CAAP1: variants seen among roughly 807,000 people sequenced by gnomAD.
The protein encoded by CAAP1 is caspase activity and apoptosis inhibitor 1.
CAAP1 carries 20 observed loss-of-function variants against 34.0 expected under a neutral mutation model. That is an observed-to-expected ratio of 0.59 (90% CI 0.41 to 0.86). The LOEUF (loss-of-function observed/expected upper bound fraction) is 0.86, where lower values mean the gene tolerates loss of function less well. CAAP1 is among the 40% of genes least tolerant of loss of function. The pLI is 0.00. For missense variants in CAAP1, 538 were observed against 450.5 expected, an observed-to-expected ratio of 1.19 and a Z score of -1.76; for synonymous variants, 213 against 166.7, an observed-to-expected ratio of 1.28 and a Z score of -2.14.
chr9:26,860,974 T>C (rs2131309954), intron 5 of CAAP1, 92 bp downstream of exon 5: 1 of 869,910 alleles, frequency 1.1e-6, no homozygotes, highest in Middle Eastern at 3.3e-4. Context: ...ATCTGTAAAA[T>C]GGGGTGAGTT....
chr9:26,889,191 C>T (rs1206537326), intron 1 of CAAP1, among the ~76,000 whole-genome samples: 8 of 151,646 alleles, frequency 5.3e-5, no homozygotes, highest in Non-Finnish European at 8.8e-5. Context: ...CTGAGGCGAA[C>T]GGATCACCTG....
At chr9:26,860,150 T>G (rs1173617505) in intron 5 of CAAP1, among the ~76,000 whole-genome samples, 1 of 152,194 alleles carries the variant, frequency 6.6e-6, no homozygotes, top group African/African-American at 2.4e-5. Flanking sequence ...TGAATTAATT[T>G]TATCAGAAAC....
chr9:26,891,206 T>C (rs1823896037), intron 1 of CAAP1, among the ~76,000 whole-genome samples: 1 of 152,226 alleles, frequency 6.6e-6, no homozygotes, highest in African/African-American at 2.4e-5. Flanking sequence ...GAGCAGAGGA[T>C]ATGTACAGAA....
Position 26,880,126 on chromosome 9 carries a change from T to C in CAAP1, c.665+4684A>G, listed in dbSNP as rs553378359. On this transcript the variant is annotated intron_variant, in intron 4 of 5. Coordinates refer to ENST00000333916, the MANE Select transcript of CAAP1 (RefSeq NM_024828.4). ...GGGGGGTCTCTTTTAGAGAATGTAA[T>C]GTTTCCCATCACAGTGGTTTCTTAA... is the stretch of plus-strand genomic sequence containing the variant. 1.2e-4 allele frequency: 25 copies of C among 202,746 alleles called. No individual in the cohort carries two copies. In the East Asian group the frequency reaches 3.7e-3, roughly 30 times the overall value. 12.6% of individuals were successfully genotyped at this position (202,746 alleles called of 1,614,324 possible).
rs1223459422 is a variant in CAAP1, at chr9:26,840,825, T to C, written c.*1476A>G. ...TTTATTCTGTACTACTTTAGCATAT[T>C]AACTATTACTTTTAAGTTGAAATAG... On this transcript the variant is annotated 3_prime_UTR_variant, in exon 6 of 6. Transcript: ENST00000333916. 1 of 152,252 alleles carries C rather than the reference T, an allele frequency of 6.6e-6. No individual in the cohort carries two copies. The highest frequency in any genetic ancestry group is 2.4e-5 in the African/African-American group (1 of 41,472). The allele number at this position is 152,252 out of a possible 1,614,324, so 9.4% of individuals were successfully genotyped here. A position where few individuals can be genotyped will look rare whatever the true frequency, so the allele number is the denominator to read the frequency against.
At chr9:26,852,380 G>A (rs369281973) in intron 5 of CAAP1, among the ~76,000 whole-genome samples, 20 of 151,862 alleles carry the variant, frequency 1.3e-4, no homozygotes, top group Non-Finnish European at 2.2e-4. Flanking sequence ...GCTTGAACCC[G>A]GGAGGCGGAG....
Position 26,842,424 on chromosome 9 carries a change from C to G in CAAP1, c.963G>C (p.Leu321=). 6.2e-7 allele frequency: 1 copy of G among 1,614,130 alleles called. No individual in the cohort carries two copies. ...GAACATCTTCTGGTGGAGGAACAGC[C>G]AGGGTGGCTGCTTTGGGTTCGTTTG... ...SSPNEPKAAT[L]AVPPPEDVQP... The change falls in exon 6 of 6, where the codon CTG becomes CTC. Residue 321 remains leucine (L), a synonymous_variant. Coordinates refer to ENST00000333916, the MANE Select transcript of CAAP1 (RefSeq NM_024828.4).
intron 1 of CAAP1, among the ~76,000 whole-genome samples, chr9:26,890,317 G>A (rs960985055): frequency 6.6e-6 from 1 of 151,866 alleles, no homozygotes; most frequent in Admixed American, 6.6e-5. Flanking sequence ...GTTGCAGTGG[G>A]CTGAGATGGT....
intron 4 of CAAP1, among the ~76,000 whole-genome samples, chr9:26,862,937 T>C (rs1326409268): frequency 2.6e-5 from 4 of 152,086 alleles, no homozygotes; most frequent in Admixed American, 6.6e-5. Flanking sequence ...AAAAAACATG[T>C]ATGTAAGAAG....
rs1373278894 is a variant in CAAP1 at position 26,892,373 on chromosome 9, G to A, written c.303+40C>T. On this transcript the variant is annotated intron_variant, in intron 1 of 5. Coordinates refer to ENST00000333916, the MANE Select transcript of CAAP1 (RefSeq NM_024828.4). ...TGGAAGCCCGACTTCTTCCGAAAAA[G>A]CAGCAGCTCCAGGAAGCGGCCAGAG... is the stretch of plus-strand genomic sequence containing the variant. The A allele has an allele frequency of 1.1e-5, 18 of 1,597,642 alleles. No homozygotes were observed. In the Admixed American group the frequency reaches 1.7e-4, roughly 15 times the overall value.
At chr9:26,858,006 CATG>C (rs1312736301) in intron 5 of CAAP1, among the ~76,000 whole-genome samples, 1 of 152,160 alleles carries the variant, frequency 6.6e-6, no homozygotes, top group African/African-American at 2.4e-5. Context: ...TAATAGGTCA[CATG>C]ATATGATTTA....
Position 26,892,428 on chromosome 9 carries a change from C to A in CAAP1, c.288G>T (p.Ser96=), listed in dbSNP as rs368962521. The change falls in exon 1 of 6, where the codon TCG becomes TCT. Residue 96 remains serine (S), a synonymous_variant. Transcript: ENST00000333916. The part of the protein sequence containing the change: ...KRRSTDSSSV[S]GSLQQETKYI... ...GCGCACGCACCTGCTGCAAGGAGCCCGAGACGCTGGAAGAGTCGGTACTCC... is the reference window on the plus strand; with the variant it reads ...GCGCACGCACCTGCTGCAAGGAGCCAGAGACGCTGGAAGAGTCGGTACTCC... 314 of 1,603,818 alleles carry A rather than the reference C, an allele frequency of 2.0e-4. No homozygotes were observed. In the African/African-American group the frequency reaches 3.7e-3, roughly 19 times the overall value.
At chr9:26,852,847 T>C (rs1004984775) in intron 5 of CAAP1, among the ~76,000 whole-genome samples, 12 of 152,212 alleles carry the variant, frequency 7.9e-5, no homozygotes, top group African/African-American at 2.9e-4. Context: ...AGGTAACATT[T>C]GATCAGGAAT....
At chr9:26,843,983 T>C (rs1822538349) in intron 5 of CAAP1, among the ~76,000 whole-genome samples, 1 of 152,138 alleles carries the variant, frequency 6.6e-6, no homozygotes, top group Non-Finnish European at 1.5e-5. Context: ...CCAAATAGCA[T>C]AAAAAACTAC....
intron 4 of CAAP1, among the ~76,000 whole-genome samples, chr9:26,882,794 C>T (rs773939030): frequency 1.1e-4 from 17 of 152,114 alleles, no homozygotes; most frequent in African/African-American, 1.4e-4. Flanking sequence ...AAGAAACAGG[C>T]GCGGGGCTTT....
chr9:26,869,513 G>GA (rs548367615), intron 4 of CAAP1, among the ~76,000 whole-genome samples: 6 of 150,530 alleles, frequency 4.0e-5, no homozygotes, highest in East Asian at 3.9e-4. Flanking sequence ...TCTGAATGTG[G>GA]AAAAAAAAAC....
intron 4 of CAAP1, among the ~76,000 whole-genome samples, chr9:26,877,153 T>C (rs772360837): frequency 6.6e-6 from 1 of 152,174 alleles, no homozygotes; most frequent in Non-Finnish European, 1.5e-5. Context: ...TAAAAAAATT[T>C]GTTTAATAAA....
At chr9:26,842,957 A>C (rs1822514975) in intron 5 of CAAP1, among the ~76,000 whole-genome samples, 1 of 152,228 alleles carries the variant, frequency 6.6e-6, no homozygotes, top group African/African-American at 2.4e-5. Context: ...TTTTTATCAC[A>C]GTAAAGCTTC....
intron 3 of CAAP1, 60 bp from the exon 4 acceptor site, chr9:26,884,945 A>G: frequency 8.1e-7 from 1 of 1,227,588 alleles, no homozygotes; most frequent in African/African-American, 1.5e-5. Flanking sequence ...TGATGCAATC[A>G]TGACATTAAA....
Sources: gnomAD v4.1 joint callset for allele counts (sites outside exome capture counted in the v4.1 genomes callset) on GRCh38, gnomAD v4.1.1 for gene constraint, MANE v1.5 for transcripts, NCBI Gene and HGNC (gene_info 2026-07-23, HGNC 2026-07-21) for gene names.